Variants in TSPAN5 observed in about 807,000 individuals in gnomAD.
TSPAN5 encodes the protein tetraspanin-5.
In TSPAN5, 10 loss-of-function variants were observed where a neutral mutation model predicts 37.1. The observed-to-expected ratio is 0.27, with a 90% CI of 0.17 to 0.46. The LOEUF (loss-of-function observed/expected upper bound fraction) is 0.46. Among genes scored for constraint, TSPAN5 ranks in the 20% least tolerant of loss-of-function variants. The pLI is 1.00. For missense variants in TSPAN5, 195 were observed against 326.6 expected (o/e 0.60, Z 3.11); for synonymous variants, 110 against 118.9 (o/e 0.93, Z 0.48).
intron 5 of TSPAN5, among the ~76,000 whole-genome samples, chr4:98,477,929 G>A (rs1752744194): frequency 1.3e-5 from 2 of 152,128 alleles, no homozygotes; most frequent in South Asian, 4.2e-4. Flanking sequence ...CAAAGTGCTG[G>A]GATTACAGGT....
intron 1 of TSPAN5, among the ~76,000 whole-genome samples, chr4:98,510,770 G>C (rs1283286445): frequency 6.6e-6 from 1 of 152,134 alleles, no homozygotes; most frequent in Non-Finnish European, 1.5e-5. Flanking sequence ...TTGAAGTTAA[G>C]GGAAACACTC....
intron 1 of TSPAN5, among the ~76,000 whole-genome samples, chr4:98,536,929 G>T (rs1754248777): frequency 6.6e-6 from 1 of 152,160 alleles, no homozygotes; most frequent in African/African-American, 2.4e-5. Flanking sequence ...TTAGTTTGCT[G>T]GGCTCTGTGG....
At chr4:98,652,936 G>C (rs141550881) in intron 1 of TSPAN5, among the ~76,000 whole-genome samples, 1 of 152,182 alleles carries the variant, frequency 6.6e-6, no homozygotes, top group African/African-American at 2.4e-5. Flanking sequence ...TATCAAGTGA[G>C]AATGCTTCTG....
chr4:98,485,274 G>A (rs1465252945), intron 3 of TSPAN5: 1 of 152,578 alleles, frequency 6.6e-6, no homozygotes, highest in Admixed American at 6.5e-5. Context: ...AAGAAGACTG[G>A]CAGGTTGGCA....
chr4:98,590,246 C>A (rs1239451150), intron 1 of TSPAN5, among the ~76,000 whole-genome samples: 1 of 152,118 alleles, frequency 6.6e-6, no homozygotes, highest in Non-Finnish European at 1.5e-5. Flanking sequence ...GAAATAGGGA[C>A]CTGAGCCAGG....
rs1208943511 is a variant in TSPAN5 at position 98,470,933 on chromosome 4, GC to G, written c.*1588del. 6.6e-6 allele frequency: 1 copy of G among 152,186 alleles called. No homozygotes were observed. Among genetic ancestry groups the G allele is most frequent in the Non-Finnish European group, 1.5e-5 (1 of 68,042 alleles). 9.4% of individuals were successfully genotyped at this position (152,186 alleles called of 1,614,324 possible). ...CAAATCTGTCCGCACCGAAAAATGT[GC>G]CTGTGGTTTTCCCAGAGTTCCACAG... On this transcript the variant is annotated 3_prime_UTR_variant, in exon 8 of 8. Coordinates refer to ENST00000305798, the MANE Select transcript of TSPAN5 (RefSeq NM_005723.4).
intron 1 of TSPAN5, among the ~76,000 whole-genome samples, chr4:98,517,484 G>A (rs911690690): frequency 1.3e-5 from 2 of 152,086 alleles, no homozygotes; most frequent in African/African-American, 4.8e-5. Flanking sequence ...TTTTCCCAGA[G>A]GATGAAAGGG....
intron 1 of TSPAN5, among the ~76,000 whole-genome samples, chr4:98,554,112 A>C (rs1189081013): frequency 6.6e-6 from 1 of 152,124 alleles, no homozygotes; most frequent in Non-Finnish European, 1.5e-5. Context: ...AGTCTTGATG[A>C]GGTGTTAAAT....
At chr4:98,621,790 C>A (rs956935696) in intron 1 of TSPAN5, among the ~76,000 whole-genome samples, 2 of 151,396 alleles carry the variant, frequency 1.3e-5, no homozygotes, top group African/African-American at 2.4e-5. Flanking sequence ...TCATTCCCAC[C>A]CCCCCCGCAG....
At chr4:98,627,606 A>G (rs562036166) in intron 1 of TSPAN5, among the ~76,000 whole-genome samples, 32 of 152,174 alleles carry the variant, frequency 2.1e-4, no homozygotes, top group Admixed American at 5.2e-4. Flanking sequence ...GAGTCAGCCA[A>G]ATACGGTCAT....
intron 1 of TSPAN5, among the ~76,000 whole-genome samples, chr4:98,588,678 G>A (rs768726366): frequency 1.1e-4 from 16 of 152,200 alleles, no homozygotes; most frequent in Non-Finnish European, 2.1e-4. Flanking sequence ...ATCCAGTTAC[G>A]ATGTTCAAAG....
chr4:98,610,096 C>T (rs1560558276), intron 1 of TSPAN5, among the ~76,000 whole-genome samples: 1 of 152,220 alleles, frequency 6.6e-6, no homozygotes, highest in Non-Finnish European at 1.5e-5. Flanking sequence ...TGACAGAATA[C>T]CACAGACTGG....
At chr4:98,640,535 C>T (rs1756942983) in intron 1 of TSPAN5, among the ~76,000 whole-genome samples, 1 of 152,116 alleles carries the variant, frequency 6.6e-6, no homozygotes, top group Non-Finnish European at 1.5e-5. Context: ...AAGGACTGGC[C>T]AGGCCATGTC....
chr4:98,616,916 T>C (rs899210729), intron 1 of TSPAN5, among the ~76,000 whole-genome samples: 4 of 147,878 alleles, frequency 2.7e-5, no homozygotes, highest in South Asian at 2.1e-4. Flanking sequence ...CTTGACCTAC[T>C]GGGCTCAAGC....
chr4:98,639,047 C>T (rs1292384120), intron 1 of TSPAN5, among the ~76,000 whole-genome samples: 33 of 152,156 alleles, frequency 2.2e-4, no homozygotes, highest in East Asian at 1.9e-4. Flanking sequence ...AAACACAACA[C>T]GAAGAAATGG....
chr4:98,614,573 A>C (rs773492918), intron 1 of TSPAN5, among the ~76,000 whole-genome samples: 8 of 152,206 alleles, frequency 5.3e-5, no homozygotes, highest in Non-Finnish European at 1.2e-4. Context: ...CTTGTTTTTT[A>C]AAGTTCCCAA....
chr4:98,587,171 A>T (rs149614938), intron 1 of TSPAN5, among the ~76,000 whole-genome samples: 1 of 152,352 alleles, frequency 6.6e-6, no homozygotes, highest in Non-Finnish European at 1.5e-5. Context: ...AAAGAAGGGC[A>T]TTCATAACAA....
intron 1 of TSPAN5, among the ~76,000 whole-genome samples, chr4:98,567,479 T>C (rs1250002219): frequency 6.6e-6 from 1 of 152,258 alleles, no homozygotes; most frequent in Non-Finnish European, 1.5e-5. Flanking sequence ...TCTAACCATT[T>C]ACAAAGAACT....
intron 1 of TSPAN5, among the ~76,000 whole-genome samples, chr4:98,647,326 G>A (rs1157769280): frequency 1.3e-5 from 2 of 152,182 alleles, no homozygotes; most frequent in African/African-American, 2.4e-5. Context: ...TAAATGTTAA[G>A]GCTGCTTGGG....
Sources: allele counts gnomAD v4.1 joint callset (sites outside exome capture counted in the v4.1 genomes callset), GRCh38; gene constraint gnomAD v4.1.1; transcripts MANE v1.5; gene names NCBI Gene and HGNC (gene_info 2026-07-23, HGNC 2026-07-21).